KALRN: variants seen among roughly 807,000 people sequenced by gnomAD.
KALRN encodes the protein kalirin RhoGEF kinase.
A neutral mutation model predicts 353.7 loss-of-function variants in KALRN; 70 were observed. That is an observed-to-expected ratio of 0.20 (90% CI 0.16 to 0.24). The LOEUF (loss-of-function observed/expected upper bound fraction) is 0.24, where lower values mean the gene tolerates loss of function less well. Ranked by LOEUF, KALRN falls within the 10% of genes least tolerant of loss-of-function variation. KALRN has a pLI of 1.00. For missense variants in KALRN, 2,791 were observed against 3,756.7 expected, an observed-to-expected ratio of 0.74 and a Z score of 6.72; for synonymous variants, 1,391 against 1,434.8, an observed-to-expected ratio of 0.97 and a Z score of 0.69.
At chr3:124,686,878 G>A (rs910591888) in intron 51 of KALRN, among the ~76,000 whole-genome samples, 2 of 128,866 alleles carry the variant, frequency 1.6e-5, no homozygotes, top group Admixed American at 1.9e-4. Context: ...GCAGTGGCAT[G>A]ATCTCGGCTC....
chr3:124,402,454 A>G (rs2090997317), intron 13 of KALRN, among the ~76,000 whole-genome samples: 1 of 152,368 alleles, frequency 6.6e-6, no homozygotes, highest in African/African-American at 2.4e-5. Flanking sequence ...TAGTTATGAT[A>G]GAAGAGACAT....
intron 3 of KALRN, among the ~76,000 whole-genome samples, chr3:124,262,494 A>G (rs1481391966): frequency 6.6e-6 from 1 of 152,236 alleles, no homozygotes; most frequent in Non-Finnish European, 1.5e-5. Flanking sequence ...ATTTATGGAA[A>G]GCTTCGGCCA....
intron 5 of KALRN, among the ~76,000 whole-genome samples, chr3:124,284,260 C>G (rs919217697): frequency 1.3e-5 from 2 of 152,160 alleles, no homozygotes; most frequent in African/African-American, 4.8e-5. Context: ...GCTATCACTC[C>G]CCTCCAGTGG....
intron 25 of KALRN, among the ~76,000 whole-genome samples, chr3:124,464,840 A>G: frequency 6.7e-6 from 1 of 148,690 alleles, no homozygotes; most frequent in East Asian, 2.0e-4. Context: ...AACTGCAAAA[A>G]CAGTAGGCAA....
chr3:124,696,336 T>A (rs1373217809), intron 54 of KALRN, 81 bp downstream of exon 54: 3 of 1,384,996 alleles, frequency 2.2e-6, no homozygotes, highest in Non-Finnish European at 3.0e-6. Context: ...CCAGGCATGA[T>A]CTCTGTTCAT....
intron 33 of KALRN, among the ~76,000 whole-genome samples, chr3:124,550,687 A>G (rs191585417): frequency 6.6e-6 from 1 of 152,098 alleles, no homozygotes; most frequent in East Asian, 1.9e-4. Context: ...AGCCAGTCTG[A>G]ATTGAAAATT....
At chr3:124,574,858 G>A (rs2073924876) in intron 34 of KALRN, among the ~76,000 whole-genome samples, 1 of 152,184 alleles carries the variant, frequency 6.6e-6, no homozygotes, top group African/African-American at 2.4e-5. Flanking sequence ...GACCTCAAAG[G>A]CCTTGAGGAG....
intron 11 of KALRN, among the ~76,000 whole-genome samples, chr3:124,391,640 C>T (rs1301596443): frequency 6.6e-6 from 1 of 152,136 alleles, no homozygotes; most frequent in Admixed American, 6.5e-5. Flanking sequence ...AAATTACAGC[C>T]TAATAAATGG....
At chr3:124,088,696 A>G (rs772680049) in intron 1 of KALRN, among the ~76,000 whole-genome samples, 8 of 152,212 alleles carry the variant, frequency 5.3e-5, no homozygotes, top group Admixed American at 2.0e-4. Flanking sequence ...AGATGTGGGA[A>G]GTTATTCTAA....
chr3:124,697,493 G>A, intron 54 of KALRN, 100 bp from the exon 55 acceptor site: 3 of 1,232,900 alleles, frequency 2.4e-6, no homozygotes, highest in Non-Finnish European at 3.3e-6. Flanking sequence ...GGAAAAAATT[G>A]TGACATCGGT....
chr3:124,172,070 T>G (rs911489023), intron 1 of KALRN, among the ~76,000 whole-genome samples: 3 of 152,226 alleles, frequency 2.0e-5, no homozygotes, highest in African/African-American at 7.2e-5. Flanking sequence ...ACTTGACTTC[T>G]TTGAATCTTA....
chr3:124,149,623 G>A (rs1311314547), intron 1 of KALRN, among the ~76,000 whole-genome samples: 1 of 152,174 alleles, frequency 6.6e-6, no homozygotes, highest in Admixed American at 6.5e-5. Context: ...TGCCAGCCAT[G>A]TCGTTTTAAA....
intron 33 of KALRN, among the ~76,000 whole-genome samples, chr3:124,539,122 TA>T (rs1449357908): frequency 6.6e-6 from 1 of 152,178 alleles, no homozygotes; most frequent in African/African-American, 2.4e-5. Flanking sequence ...ATGTGATCTG[TA>T]GCCTGCCAGA....
At chr3:124,468,678 C>A (rs1294316717) in intron 25 of KALRN, among the ~76,000 whole-genome samples, 1 of 152,168 alleles carries the variant, frequency 6.6e-6, no homozygotes, top group South Asian at 2.1e-4. Context: ...CTGAAACTTA[C>A]AAAGGTTTAT....
chr3:124,521,327 C>G (rs1191726003), intron 33 of KALRN, among the ~76,000 whole-genome samples: 1 of 152,194 alleles, frequency 6.6e-6, no homozygotes, highest in African/African-American at 2.4e-5. Flanking sequence ...AGATATTAGT[C>G]AAGTAACACA....
At chr3:124,381,898 A>G (rs142607509) in intron 10 of KALRN, among the ~76,000 whole-genome samples, 1 of 152,292 alleles carries the variant, frequency 6.6e-6, no homozygotes, top group East Asian at 1.9e-4. Flanking sequence ...GGTGGGCTAA[A>G]TATAGAGTAC....
At chr3:124,527,620 G>A (rs922043729) in intron 33 of KALRN, among the ~76,000 whole-genome samples, 1 of 151,712 alleles carries the variant, frequency 6.6e-6, no homozygotes, top group Non-Finnish European at 1.5e-5. Flanking sequence ...AAAAGAAGAA[G>A]AAGAAGAAGC....
At chr3:124,101,780 G>T (rs1236142310) in intron 1 of KALRN, among the ~76,000 whole-genome samples, 1 of 152,074 alleles carries the variant, frequency 6.6e-6, no homozygotes, top group Non-Finnish European at 1.5e-5. Flanking sequence ...TCAGCTATCT[G>T]CACAGCTCTG....
At chr3:124,648,420 T>C (rs974651209) in intron 37 of KALRN, among the ~76,000 whole-genome samples, 7 of 152,144 alleles carry the variant, frequency 4.6e-5, no homozygotes, top group Non-Finnish European at 8.8e-5. Context: ...CTTTGTTCTG[T>C]AGAAAGGTTG....
Sources: allele counts gnomAD v4.1 joint callset (sites outside exome capture counted in the v4.1 genomes callset), GRCh38; gene constraint gnomAD v4.1.1; transcripts MANE v1.5; gene names NCBI Gene and HGNC (gene_info 2026-07-23, HGNC 2026-07-21).